Variants in NLK observed in about 807,000 individuals in gnomAD.
NLK encodes the protein nemo like kinase, also known as serine/threonine-protein kinase NLK.
NLK carries 11 observed loss-of-function variants against 59.0 expected under a neutral mutation model. The observed-to-expected ratio is 0.19, with a 90% CI of 0.12 to 0.31. The LOEUF is 0.31. Ranked by LOEUF, NLK falls within the 10% of genes least tolerant of loss-of-function variation. NLK has a pLI of 1.00. For synonymous variants in NLK, 235 were observed against 235.9 expected, an observed-to-expected ratio of 1.00 and a Z score of 0.03; for missense variants, 410 against 661.1, an observed-to-expected ratio of 0.62 and a Z score of 4.16.
chr17:28,109,041 G>A (rs1905341525), intron 1 of NLK, among the ~76,000 whole-genome samples: 2 of 152,090 alleles, frequency 1.3e-5, no homozygotes, highest in Non-Finnish European at 2.9e-5. Flanking sequence ...CATGGTGGTG[G>A]GCGCCTGTAG....
chr17:28,073,364 G>A (rs1490761774), intron 1 of NLK, among the ~76,000 whole-genome samples: 1 of 152,124 alleles, frequency 6.6e-6, no homozygotes, highest in African/African-American at 2.4e-5. Context: ...TGTCATCTCA[G>A]CAAGTAGCCC....
chr17:28,203,828 C>T, the NLK span, among the ~76,000 whole-genome samples: 4 of 152,338 alleles, frequency 2.6e-5, no homozygotes, highest in East Asian at 1.9e-4. Flanking sequence ...TGAGCCACTG[C>T]GCCCGGCCCT....
chr17:28,135,516 A>G (rs539159013), intron 3 of NLK, among the ~76,000 whole-genome samples: 45 of 152,360 alleles, frequency 3.0e-4, no homozygotes, highest in African/African-American at 9.1e-4. Flanking sequence ...AGCCCCAGGT[A>G]TACTAAGATA....
chr17:28,168,417 T>A lies in NLK; in HGVS notation c.838-31T>A, dbSNP rs190436474. 4.8e-5 allele frequency: 71 copies of A among 1,474,268 alleles called. No homozygotes were observed. The African/African-American group carries it at 9.0e-4, about 19-fold the overall frequency. The allele number at this position is 1,474,268 out of a possible 1,614,324, so 91.3% of individuals were successfully genotyped here. ...TTTTACTCTTTCATTTGTATTTGCT[T>A]GATAATGTTTTGATTGCCTTTTCTG... On this transcript the variant is annotated intron_variant, in intron 5 of 10. Transcript: ENST00000407008.
rs1172009755 is a variant in NLK, at chr17:28,196,043, C to T, written c.*1407C>T. 6.6e-6 allele frequency: 1 copy of T among 152,544 alleles called. No individual in the cohort carries two copies. Among genetic ancestry groups the T allele is most frequent in the Non-Finnish European group, 1.5e-5 (1 of 68,028 alleles). The allele number at this position is 152,544 out of a possible 1,614,324, so 9.4% of individuals were successfully genotyped here. On this transcript the variant is annotated 3_prime_UTR_variant, in exon 11 of 11. Transcript: ENST00000407008. ...GCAGAGTATTTTCAACTTGAGTGAT[C>T]TGAGCTGAATTTGAAGACTATTAAT...
chr17:28,130,602 A>G (rs1459575213), intron 2 of NLK, among the ~76,000 whole-genome samples: 1 of 152,170 alleles, frequency 6.6e-6, no homozygotes, highest in African/African-American at 2.4e-5. Flanking sequence ...TATGGTTGTC[A>G]CTTTCTTCTA....
At position 28,192,120 on chromosome 17, in the gene NLK, A is replaced by T. The variant is rs1184984367; in HGVS notation, c.1436A>T (p.Glu479Val). 1.3e-6 allele frequency: 2 copies of T among 1,588,420 alleles called. No homozygotes were observed. Among genetic ancestry groups the T allele is most frequent in the Non-Finnish European group, 1.7e-6 (2 of 1,160,140 alleles). ...TGTATGATGTTTGTTTTCTCCACAG[A>T]AATTATTCATCAGTTCATTTTGGAA... is the stretch of plus-strand genomic sequence containing the variant. ...KNLSSVRQVK[E>V]IIHQFILEQQ... The change falls in exon 10 of 11, where the codon GAA becomes GTA. Residue 479 changes from glutamate to valine, a missense_variant and splice_region_variant. Glu to Val is a moderately radical substitution (Grantham distance 121). Coordinates refer to ENST00000407008, the MANE Select transcript of NLK (RefSeq NM_016231.5).
chr17:28,051,149 A>C (rs1043210380), intron 1 of NLK, among the ~76,000 whole-genome samples: 1 of 151,884 alleles, frequency 6.6e-6, no homozygotes, highest in Non-Finnish European at 1.5e-5. Context: ...ATTTAGCCTG[A>C]TAGTAAATAG....
At chr17:28,082,687 G>C (rs34233899) in intron 1 of NLK, among the ~76,000 whole-genome samples, 1 of 152,326 alleles carries the variant, frequency 6.6e-6, no homozygotes, top group Non-Finnish European at 1.5e-5. Context: ...CTCTAAAGTT[G>C]ATGCCCAAAA....
At chr17:28,068,577 A>G (rs1314107106) in intron 1 of NLK, among the ~76,000 whole-genome samples, 1 of 152,168 alleles carries the variant, frequency 6.6e-6, no homozygotes, top group Non-Finnish European at 1.5e-5. Context: ...TGTGATCACT[A>G]TTTATAAATA....
At chr17:28,045,271 A>T (rs979727277) in intron 1 of NLK, among the ~76,000 whole-genome samples, 7 of 152,134 alleles carry the variant, frequency 4.6e-5, no homozygotes, top group African/African-American at 1.4e-4. Flanking sequence ...GAGGGTAAGG[A>T]TTGTCTACTG....
chr17:28,087,472 A>G (rs1431706517), intron 1 of NLK, among the ~76,000 whole-genome samples: 1 of 152,188 alleles, frequency 6.6e-6, no homozygotes, highest in African/African-American at 2.4e-5. Flanking sequence ...CCTTTATTGT[A>G]TAGAGGGATG....
At chr17:28,189,096 G>C (rs1437266102) in intron 8 of NLK, among the ~76,000 whole-genome samples, 6 of 151,696 alleles carry the variant, frequency 4.0e-5, no homozygotes, top group African/African-American at 1.5e-4. Flanking sequence ...CCATCAAAAA[G>C]CAGGCATACA....
chr17:28,200,466 C>G (rs1567746043), downstream of NLK, among the ~76,000 whole-genome samples: 1 of 152,086 alleles, frequency 6.6e-6, no homozygotes, highest in East Asian at 1.9e-4. Flanking sequence ...GTCAATTTTA[C>G]TTTATGTTAC....
At chr17:28,060,364 A>G (rs1193661431) in intron 1 of NLK, among the ~76,000 whole-genome samples, 1 of 152,180 alleles carries the variant, frequency 6.6e-6, no homozygotes, top group Non-Finnish European at 1.5e-5. Context: ...GAAAAAGCAA[A>G]ATCTAGGGAG....
chr17:28,168,171 C>CA (rs35703027), intron 5 of NLK, among the ~76,000 whole-genome samples: 17 of 141,500 alleles, frequency 1.2e-4, no homozygotes, highest in African/African-American at 2.4e-4. Flanking sequence ...CTAAATAATA[C>CA]AAAAAAAAAA....
At chr17:28,059,111 G>A (rs1909541073) in intron 1 of NLK, among the ~76,000 whole-genome samples, 1 of 151,442 alleles carries the variant, frequency 6.6e-6, no homozygotes, top group Non-Finnish European at 1.5e-5. Flanking sequence ...GGTCAACAGA[G>A]CCAGATCCTG....
chr17:28,152,906 G>A (rs888302200), intron 3 of NLK, among the ~76,000 whole-genome samples: 1 of 151,976 alleles, frequency 6.6e-6, no homozygotes, highest in Non-Finnish European at 1.5e-5. Flanking sequence ...TTACAGGCAT[G>A]AGCCACCATG....
intron 7 of NLK, among the ~76,000 whole-genome samples, chr17:28,175,368 A>G (rs1194989404): frequency 6.6e-6 from 1 of 151,728 alleles, no homozygotes. Flanking sequence ...GGAGAATGGC[A>G]TGAACCCAGG....
Sources: allele counts gnomAD v4.1 joint callset (sites outside exome capture counted in the v4.1 genomes callset), GRCh38; gene constraint gnomAD v4.1.1; transcripts MANE v1.5; gene names NCBI Gene and HGNC (gene_info 2026-07-23, HGNC 2026-07-21).